HERC1: variants seen among roughly 807,000 people sequenced by gnomAD.
HERC1 encodes the protein HECT and RLD domain containing E3 ubiquitin protein ligase family member 1.
HERC1 carries 160 observed loss-of-function variants against 554.3 expected under a neutral mutation model. The ratio of observed to expected loss-of-function variants is 0.29; its 90% CI spans 0.25 to 0.33. The LOEUF (loss-of-function observed/expected upper bound fraction) is 0.33, where lower values mean the gene tolerates loss of function less well. Among genes scored for constraint, HERC1 ranks in the 10% least tolerant of loss-of-function variants. HERC1 has a pLI of 1.00. For synonymous variants in HERC1, 2,175 were observed against 2,131.7 expected, an observed-to-expected ratio of 1.02 and a Z score of -0.56; for missense variants, 4,919 against 5,918.5, an observed-to-expected ratio of 0.83 and a Z score of 5.54.
At chr15:63,696,765 C>T (rs190906212) in intron 26 of HERC1, among the ~76,000 whole-genome samples, 1 of 151,986 alleles carries the variant, frequency 6.6e-6, no homozygotes. Flanking sequence ...TAAGGTAGTA[C>T]TGCTACTGCT....
At chr15:63,660,438 C>T (rs887981767) in intron 46 of HERC1, among the ~76,000 whole-genome samples, 3 of 152,210 alleles carry the variant, frequency 2.0e-5, no homozygotes, top group African/African-American at 7.2e-5. Context: ...CTTAACCAAA[C>T]TGCACTCCTG....
chr15:63,739,500 T>G (rs1055440193), intron 12 of HERC1, among the ~76,000 whole-genome samples: 3 of 150,892 alleles, frequency 2.0e-5, no homozygotes, highest in African/African-American at 7.3e-5. Context: ...CCCAGCCCAC[T>G]AAGGTATTGC....
chr15:63,775,395 G>A lies in HERC1; in HGVS notation c.229C>T (p.His77Tyr). The change falls in exon 2 of 78, where the codon CAC becomes TAC. Residue 77 changes from histidine to tyrosine, a missense_variant. Physicochemically the swap from His to Tyr is moderately conservative, Grantham distance 83 (BLOSUM62 2). Coordinates refer to ENST00000443617, the MANE Select transcript of HERC1 (RefSeq NM_003922.4). The surrounding 1 kb of genome is among the most constrained non-coding windows in gnomAD (Gnocchi z 4.0). ...CTGCTAAGAAGGGCATCCAAATAGTGGTCCTGCTCATCACTTGAAAGAGAC... is the reference window on the plus strand; with the variant it reads ...CTGCTAAGAAGGGCATCCAAATAGTAGTCCTGCTCATCACTTGAAAGAGAC... Reference protein sequence around the residue: ...RESLSSDEQDHYLDALLSSQL... With the variant: ...RESLSSDEQDYYLDALLSSQL... 1.2e-6 allele frequency: 2 copies of A among 1,613,950 alleles called. No homozygotes were observed. Among genetic ancestry groups the A allele is most frequent in the Non-Finnish European group, 1.7e-6 (2 of 1,179,844 alleles).
chr15:63,660,010 G>A, intron 46 of HERC1, 74 bp from the exon 47 acceptor site: 1 of 1,201,174 alleles, frequency 8.3e-7, no homozygotes, highest in Non-Finnish European at 1.2e-6. Flanking sequence ...TGGTTGTTCT[G>A]AAAATACATC....
chr15:63,697,666 G>A (rs1237521114), intron 26 of HERC1, among the ~76,000 whole-genome samples: 1 of 152,094 alleles, frequency 6.6e-6, no homozygotes, highest in East Asian at 1.9e-4. Flanking sequence ...CGCTGGTGAG[G>A]CTGGTTTCAA....
chr15:63,776,130 G>A lies in HERC1; in HGVS notation c.-26-481C>T, dbSNP rs923244021. On this transcript the variant is annotated intron_variant, in intron 1 of 77. Coordinates refer to ENST00000443617, the MANE Select transcript of HERC1 (RefSeq NM_003922.4). ...CTGATTCCATTATCTGTGTAACAGT[G>A]GGTTCTACAGCTGATGACTCCCAAT... Among the ~76,000 whole-genome samples the A allele has an allele frequency of 3.3e-5, 5 of 152,010 alleles. No homozygotes were observed. The East Asian group carries it at 5.8e-4, about 18-fold the overall frequency.
At chr15:63,815,277 T>C (rs1383872388) in intron 1 of HERC1, among the ~76,000 whole-genome samples, 1 of 152,238 alleles carries the variant, frequency 6.6e-6, no homozygotes, top group Non-Finnish European at 1.5e-5. Flanking sequence ...CTTCCATATC[T>C]TGCAATATAG....
In HERC1 at chr15:63,674,815, T is replaced by G; in HGVS notation, c.7373A>C (p.Lys2458Thr). Residue 2458 changes from lysine (K) to threonine (T), a missense_variant, in exon 38 of 78, where the codon AAA (lysine) becomes ACA (threonine). Lys to Thr is a moderately conservative substitution (Grantham distance 78, BLOSUM62 -1). Transcript: ENST00000443617. ...AAATGAAGCGATTTCATTTTCTGAT[T>G]TGGAGCTTGTGGTACTCTGACTTTT... ...DVKSQSTTSS[K>T]SENEIASFSL... 1 of 1,613,918 alleles carries G rather than the reference T, an allele frequency of 6.2e-7. No homozygotes were observed. The highest frequency in any genetic ancestry group is 8.5e-7 in the Non-Finnish European group (1 of 1,179,852).
chr15:63,627,324 G>A (rs977263401), intron 70 of HERC1, among the ~76,000 whole-genome samples: 1 of 152,104 alleles, frequency 6.6e-6, no homozygotes, highest in Non-Finnish European at 1.5e-5. Flanking sequence ...GTTGCTTCAG[G>A]GAAATTCTAG....
In HERC1 at chr15:63,612,489, T is replaced by G; in HGVS notation, c.14162A>C (p.Lys4721Thr). 1 of 1,613,970 alleles carries G rather than the reference T, an allele frequency of 6.2e-7. No homozygotes were observed. Among genetic ancestry groups the G allele is most frequent in the Non-Finnish European group, 8.5e-7 (1 of 1,179,870 alleles). ...CCCACACACCATCTGCTCCAGTTGT[T>G]TTGCTGTGAGGAGGGACAGCAGCGG... ...PVPLLSLLTAKQLEQMVCGMP... is the reference protein window; with the variant it reads ...PVPLLSLLTATQLEQMVCGMP... Residue 4721 changes from lysine to threonine, a missense_variant, in exon 77 of 78, where the codon AAA becomes ACA. By Grantham distance (78) the Lys-to-Thr change is moderately conservative. Transcript: ENST00000443617. The surrounding 1 kb of genome is among the most constrained non-coding windows in gnomAD (Gnocchi z 5.0).
At position 63,734,919 on chromosome 15, in the gene HERC1, G is replaced by A. The variant is rs909669311; in HGVS notation, c.2521-70C>T. 25 of 1,313,080 alleles carry A rather than the reference G, an allele frequency of 1.9e-5. No individual in the cohort carries two copies. The highest frequency in any genetic ancestry group is 3.9e-4 in the Middle Eastern group (2 of 5,080). 81.3% of individuals were successfully genotyped at this position (1,313,080 alleles called of 1,614,324 possible). ...TTTTTAATAAAAACACACTTAAAGC[G>A]AACTCACTGACTACTAGGATCATGT... On this transcript the variant is annotated intron_variant, in intron 12 of 77. Transcript: ENST00000443617. The surrounding 1 kb of genome is among the most constrained non-coding windows in gnomAD (Gnocchi z 4.6).
In HERC1 at chr15:63,737,528, TATATATATATATATATATATC is replaced by T. The variant is rs1183371033; in HGVS notation, c.2521-2700_2521-2680del. ...TATCTTTTTTCCAGATATATATATA[TATATATATATATATATATATC>T]TTTTTTTTTTTTAGTAGAGAAGGGG... On this transcript the variant is annotated intron_variant, in intron 12 of 77. Transcript: ENST00000443617. 1.4e-4 allele frequency among the ~76,000 whole-genome samples: 16 copies of T among 117,756 alleles called. 1 individual carries two copies. The highest frequency in any genetic ancestry group is 5.3e-4 in the African/African-American group (16 of 29,992). 77.3% of individuals were successfully genotyped at this position (117,756 alleles called of 152,430 possible).
At chr15:63,693,702 G>T (rs1450154479) in intron 30 of HERC1, among the ~76,000 whole-genome samples, 2 of 152,156 alleles carry the variant, frequency 1.3e-5, no homozygotes, top group East Asian at 3.8e-4. Context: ...AGGTCTCAGA[G>T]CCCAGACAGC....
At chr15:63,693,054 G>A (rs1205906400) in intron 30 of HERC1, among the ~76,000 whole-genome samples, 18 of 151,840 alleles carry the variant, frequency 1.2e-4, no homozygotes, top group African/African-American at 2.7e-4. Flanking sequence ...GGTGGCACAC[G>A]CTTGCAACCC....
chr15:63,679,459 T>C (rs2071369008), intron 36 of HERC1, among the ~76,000 whole-genome samples: 1 of 152,202 alleles, frequency 6.6e-6, no homozygotes. Context: ...TACTACATAA[T>C]GGCTAGAAAT....
In HERC1 at chr15:63,635,964, C is replaced by A; in HGVS notation, c.12411G>T (p.Val4137=). The A allele has an allele frequency of 6.2e-7, 1 of 1,613,886 alleles. No individual in the cohort carries two copies. The highest frequency in any genetic ancestry group is 8.5e-7 in the Non-Finnish European group (1 of 1,179,824). The change falls in exon 65 of 78, where the codon GTG becomes GTT. Residue 4137 remains valine (V), a synonymous_variant. Coordinates refer to ENST00000443617, the MANE Select transcript of HERC1 (RefSeq NM_003922.4). The part of the protein sequence containing the change: ...QIEALQGEEV[V]QMSCGFKHSA... ...ACTTATCCATTTCCTGCCTGACCTGCACCACTTCTTCTCCTTGTAAGGCCT... is the reference window on the plus strand; with the variant it reads ...ACTTATCCATTTCCTGCCTGACCTGAACCACTTCTTCTCCTTGTAAGGCCT...
At chr15:63,728,485 T>C (rs1289062041) in intron 16 of HERC1, among the ~76,000 whole-genome samples, 1 of 152,092 alleles carries the variant, frequency 6.6e-6, no homozygotes, top group Non-Finnish European at 1.5e-5. Flanking sequence ...TGAGGAAAGG[T>C]TTCAGTTTCA....
chr15:63,799,142 G>T (rs1440600832), intron 1 of HERC1, among the ~76,000 whole-genome samples: 1 of 152,148 alleles, frequency 6.6e-6, no homozygotes, highest in Non-Finnish European at 1.5e-5. Flanking sequence ...CTGTAGCTTA[G>T]CAGAGACACC....
chr15:63,629,820 G>A (rs1210180263), intron 69 of HERC1, among the ~76,000 whole-genome samples: 1 of 152,178 alleles, frequency 6.6e-6, no homozygotes, highest in African/African-American at 2.4e-5. Context: ...ATTTTTGGAG[G>A]AAGGGGAAGT....
Sources: allele counts gnomAD v4.1 joint callset (sites outside exome capture counted in the v4.1 genomes callset), GRCh38; gene constraint gnomAD v4.1.1; non-coding constraint Gnocchi (gnomAD v3.1); transcripts MANE v1.5; gene names NCBI Gene and HGNC (gene_info 2026-07-23, HGNC 2026-07-21).